The following GRM5 variants were observed in gnomAD, a reference collection of about 807,000 sequenced individuals.
GRM5 encodes the protein glutamate metabotropic receptor 5.
In GRM5, 19 loss-of-function variants were observed where a neutral mutation model predicts 83.1. The ratio of observed to expected loss-of-function variants is 0.23; its 90% CI spans 0.16 to 0.34. The LOEUF (loss-of-function observed/expected upper bound fraction) is 0.34, where lower values mean the gene tolerates loss of function less well. Ranked by LOEUF, GRM5 falls within the 10% of genes least tolerant of loss-of-function variation. The probability of loss-of-function intolerance (pLI) is 1.00; values close to 1 mark genes in which losing one functional copy is unlikely to be tolerated. For missense variants in GRM5, 1,160 were observed against 1,588.3 expected, an observed-to-expected ratio of 0.73 and a Z score of 4.58; for synonymous variants, 675 against 633.6, an observed-to-expected ratio of 1.07 and a Z score of -0.98.
At chr11:88,591,315 C>T in intron 6 of GRM5, among the ~76,000 whole-genome samples, 1 of 152,258 alleles carries the variant, frequency 6.6e-6, no homozygotes, top group East Asian at 1.9e-4. Context: ...TCAACCCATT[C>T]TTTCCTATTT....
At chr11:88,589,409 A>G (rs1937603037) in intron 7 of GRM5, among the ~76,000 whole-genome samples, 1 of 150,796 alleles carries the variant, frequency 6.6e-6, no homozygotes. Context: ...TTATTAAATC[A>G]GATTTTTTTT....
rs1229823503 is a variant in GRM5, at chr11:88,844,051, A to C, written c.911+5855T>G. Among the ~76,000 whole-genome samples, 5 of 152,296 alleles carry C rather than the reference A, an allele frequency of 3.3e-5. No homozygotes were observed. The East Asian group carries it at 9.6e-4, about 29-fold the overall frequency. On this transcript the variant is annotated intron_variant, in intron 3 of 9. Coordinates refer to ENST00000305447, the MANE Select transcript of GRM5 (RefSeq NM_001143831.3). ...AGAGAAGTTTCAACAACATATTTTC[A>C]ATGCAGACAAAACAGCCTTTTTTTG...
At chr11:88,993,077 T>C (rs1282151494) in intron 2 of GRM5, among the ~76,000 whole-genome samples, 5 of 150,740 alleles carry the variant, frequency 3.3e-5, no homozygotes, top group African/African-American at 1.2e-4. Context: ...TCATCCTATC[T>C]AACATAGTGA....
At chr11:88,689,860 G>A (rs555924366) in intron 3 of GRM5, among the ~76,000 whole-genome samples, 1 of 152,094 alleles carries the variant, frequency 6.6e-6, no homozygotes, top group South Asian at 2.1e-4. Flanking sequence ...ACTAAGCCAG[G>A]GGGGTATAAA....
chr11:88,787,263 A>C (rs1318265644), intron 3 of GRM5, among the ~76,000 whole-genome samples: 1 of 151,816 alleles, frequency 6.6e-6, no homozygotes, highest in Admixed American at 6.6e-5. Context: ...AGAGTTGGTG[A>C]GCAGAGGTCA....
At position 88,604,859 on chromosome 11, in the gene GRM5, A is replaced by T. The variant is rs1383111004; in HGVS notation, c.1253T>A (p.Leu418His). ...AYGLHNMQMS[L>H]CPGYAGLCDA... is the part of the protein sequence containing the mutation. ...ACAGAGTCCTGCATAGCCTGGGCAG[A>T]GGGACATCTGCATGTTGTGGAGCCC... Residue 418 changes from leucine (L) to histidine (H), a missense_variant, in exon 5 of 10, where the codon CTC becomes CAC. By Grantham distance (99) the Leu-to-His change is moderately conservative. Around this residue, in one of 9 missense-constraint regions of GRM5, gnomAD observed 132 missense variants for 197.6 expected, o/e 0.67. Coordinates refer to ENST00000305447, the MANE Select transcript of GRM5 (RefSeq NM_001143831.3). The T allele has an allele frequency of 6.2e-7, 1 of 1,613,826 alleles. No homozygotes were observed. The highest frequency in any genetic ancestry group is 8.5e-7 in the Non-Finnish European group (1 of 1,179,832).
At chr11:88,578,074 C>T (rs1368602761) in intron 7 of GRM5, among the ~76,000 whole-genome samples, 1 of 151,994 alleles carries the variant, frequency 6.6e-6, no homozygotes, top group East Asian at 1.9e-4. Flanking sequence ...CTTTATTATT[C>T]TGGGGAAAAG....
At chr11:89,043,319 A>T (rs1941574097) in intron 2 of GRM5, among the ~76,000 whole-genome samples, 1 of 152,174 alleles carries the variant, frequency 6.6e-6, no homozygotes, top group Non-Finnish European at 1.5e-5. Context: ...CAGGAAGTAC[A>T]ATATAAAATT....
intron 3 of GRM5, among the ~76,000 whole-genome samples, chr11:88,801,216 A>G (rs1038911551): frequency 2.6e-5 from 4 of 152,138 alleles, no homozygotes; most frequent in African/African-American, 9.6e-5. Context: ...AGGGAATAAG[A>G]AAAGTACATT....
chr11:88,972,727 G>T (rs1252974504), intron 2 of GRM5, among the ~76,000 whole-genome samples: 1 of 152,060 alleles, frequency 6.6e-6, no homozygotes, highest in African/African-American at 2.4e-5. Flanking sequence ...TAGTCTCAAA[G>T]TAACTTTCCA....
At chr11:88,993,853 G>A (rs954772253) in intron 2 of GRM5, among the ~76,000 whole-genome samples, 3 of 152,016 alleles carry the variant, frequency 2.0e-5, no homozygotes, top group African/African-American at 4.8e-5. Flanking sequence ...TCCTGAGTAC[G>A]TGGAATGACA....
intron 4 of GRM5, among the ~76,000 whole-genome samples, chr11:88,611,393 A>G (rs1938312247): frequency 6.6e-6 from 1 of 152,114 alleles, no homozygotes; most frequent in South Asian, 2.1e-4. Flanking sequence ...CAATTTCACA[A>G]TTTGTTATTT....
At chr11:89,041,313 A>G (rs1455075969) in intron 2 of GRM5, among the ~76,000 whole-genome samples, 1 of 152,248 alleles carries the variant, frequency 6.6e-6, no homozygotes, top group African/African-American at 2.4e-5. Context: ...CGCTGAAAAC[A>G]AAATTCCTTT....
At chr11:88,593,068 C>T (rs1937682634) in intron 6 of GRM5, among the ~76,000 whole-genome samples, 1 of 152,136 alleles carries the variant, frequency 6.6e-6, no homozygotes, top group African/African-American at 2.4e-5. Context: ...GATTCTCCCA[C>T]CTCGGCCTCC....
At chr11:88,919,462 C>T (rs1355665207) in intron 2 of GRM5, among the ~76,000 whole-genome samples, 1 of 151,006 alleles carries the variant, frequency 6.6e-6, no homozygotes, top group African/African-American at 2.4e-5. Flanking sequence ...GGAGGCTTCA[C>T]CATCCCACTT....
intron 4 of GRM5, among the ~76,000 whole-genome samples, chr11:88,648,094 G>A (rs895359905): frequency 3.3e-5 from 5 of 152,060 alleles, no homozygotes; most frequent in African/African-American, 1.2e-4. Context: ...AAGTCAGTGT[G>A]GCGATTCCTC....
At chr11:88,957,702 T>C (rs1488630930) in intron 2 of GRM5, among the ~76,000 whole-genome samples, 3 of 152,182 alleles carry the variant, frequency 2.0e-5, no homozygotes, top group Non-Finnish European at 4.4e-5. Flanking sequence ...TGAAGATAAT[T>C]TCTCTCTATT....
At chr11:89,028,514 T>C (rs1324232197) in intron 2 of GRM5, among the ~76,000 whole-genome samples, 3 of 152,208 alleles carry the variant, frequency 2.0e-5, no homozygotes, top group Non-Finnish European at 4.4e-5. Context: ...GAAGATCACT[T>C]GAGCCTGAGA....
At chr11:88,934,981 T>C (rs1331672324) in intron 2 of GRM5, among the ~76,000 whole-genome samples, 5 of 151,928 alleles carry the variant, frequency 3.3e-5, no homozygotes. Context: ...AATTGCCTAC[T>C]GTGGGCCTAT....
Sources: gnomAD v4.1 joint callset for allele counts (sites outside exome capture counted in the v4.1 genomes callset) on GRCh38, gnomAD v4.1.1 for gene constraint, gnomAD v4.1.1 regional missense constraint, MANE v1.5 for transcripts, NCBI Gene and HGNC (gene_info 2026-07-23, HGNC 2026-07-21) for gene names.